PRKG1: variants seen among roughly 807,000 people sequenced by gnomAD.
The protein encoded by PRKG1 is protein kinase cGMP-dependent 1, also known as cGMP-dependent protein kinase 1.
Under a neutral mutation model 88.1 loss-of-function variants are expected in PRKG1, and 35 were observed. The ratio of observed to expected loss-of-function variants is 0.40; its 90% CI spans 0.30 to 0.53. PRKG1 has a LOEUF of 0.53. Among genes scored for constraint, PRKG1 ranks in the 20% least tolerant of loss-of-function variants. The probability of loss-of-function intolerance (pLI) is 0.59; values close to 1 mark genes in which losing one functional copy is unlikely to be tolerated. For synonymous variants in PRKG1, 303 were observed against 292.5 expected (o/e 1.04, Z -0.37); for missense variants, 540 against 839.8 (o/e 0.64, Z 4.41).
intron 3 of PRKG1, among the ~76,000 whole-genome samples, chr10:51,628,002 C>T (rs1271306242): frequency 0.17 from 10,294 of 59,164 alleles, 1,810 homozygotes; most frequent in East Asian, 0.33. Flanking sequence ...CTCTCTCTCT[C>T]TCTCTCTCTT....
chr10:51,739,427 A>G (rs1039714051), intron 3 of PRKG1, among the ~76,000 whole-genome samples: 26 of 152,292 alleles, frequency 1.7e-4, no homozygotes, highest in African/African-American at 6.3e-4. Flanking sequence ...CCTTGTGGAC[A>G]TCTTAAAACT....
chr10:51,422,561 T>A (rs943660997), intron 2 of PRKG1, among the ~76,000 whole-genome samples: 2 of 152,162 alleles, frequency 1.3e-5, no homozygotes, highest in Non-Finnish European at 2.9e-5. Flanking sequence ...CTTCACATAC[T>A]TTGTCAGCTC....
At chr10:51,526,790 A>C (rs984776995) in intron 3 of PRKG1, among the ~76,000 whole-genome samples, 7 of 152,174 alleles carry the variant, frequency 4.6e-5, no homozygotes, top group African/African-American at 1.7e-4. Context: ...GCTTTCTAAA[A>C]AATATTCTTT....
At chr10:51,742,513 G>A (rs1049491167) in intron 3 of PRKG1, among the ~76,000 whole-genome samples, 4 of 152,154 alleles carry the variant, frequency 2.6e-5, no homozygotes, top group Non-Finnish European at 5.9e-5. Context: ...TTAGTGACTA[G>A]TTGGATGCAG....
At chr10:51,970,101 A>G (rs1422717597) in intron 5 of PRKG1, among the ~76,000 whole-genome samples, 1 of 151,690 alleles carries the variant, frequency 6.6e-6, no homozygotes, top group Non-Finnish European at 1.5e-5. Flanking sequence ...ATTATGTTAT[A>G]TATATCATGG....
intron 6 of PRKG1, among the ~76,000 whole-genome samples, chr10:52,061,508 A>G (rs1846234697): frequency 2.0e-5 from 3 of 152,222 alleles, no homozygotes; most frequent in South Asian, 4.1e-4. Context: ...AATTAACACA[A>G]AGGTACAAGT....
intron 5 of PRKG1, among the ~76,000 whole-genome samples, chr10:52,036,261 C>T (rs1012460484): frequency 1.3e-5 from 2 of 151,762 alleles, no homozygotes; most frequent in Non-Finnish European, 2.9e-5. Flanking sequence ...AGATCTAGAA[C>T]AGAATAATAG....
Position 51,999,335 on chromosome 10 carries a change from C to T in PRKG1, c.763-55149C>T, listed in dbSNP as rs142858614. Among the ~76,000 whole-genome samples, 386 of 152,290 alleles carry T rather than the reference C, an allele frequency of 2.5e-3. 2 individuals carry two copies. Among genetic ancestry groups the T allele is most frequent in the African/African-American group, 8.6e-3 (359 of 41,558 alleles). Reference sequence around the variant, plus strand: ...GGAAGGGATGCCATCTGTTAAGTGACTCACTATTAGAGAACAGACCCATAT... The same window carrying T: ...GGAAGGGATGCCATCTGTTAAGTGATTCACTATTAGAGAACAGACCCATAT... On this transcript the variant is annotated intron_variant, in intron 5 of 17. Transcript: ENST00000373980.
chr10:51,213,108 A>G (rs930070155), intron 2 of PRKG1, among the ~76,000 whole-genome samples: 1 of 152,234 alleles, frequency 6.6e-6, no homozygotes, highest in Non-Finnish European at 1.5e-5. Flanking sequence ...AATGTGGCAC[A>G]TATACACCAT....
chr10:52,288,789 G>A lies in PRKG1; in HGVS notation c.1773G>A (p.Met591Ile). ...TYNIILRGID[M>I]IEFPKKIAKN... ...ACATCATATTGAGGGGGATTGACAT[G>A]ATAGAATTTCCAAAGAAGATTGCCA... is the stretch of plus-strand genomic sequence containing the variant. Residue 591 changes from methionine (M) to isoleucine (I), a missense_variant, in exon 15 of 18, where the codon ATG becomes ATA. Around this residue, in one of 5 missense-constraint regions of PRKG1, gnomAD observed 97 missense variants for 210.6 expected, o/e 0.46. Transcript: ENST00000373980. 6.2e-7 allele frequency: 1 copy of A among 1,607,798 alleles called. No individual in the cohort carries two copies. The highest frequency in any genetic ancestry group is 8.5e-7 in the Non-Finnish European group (1 of 1,177,394).
At chr10:51,210,689 C>A (rs1838191350) in intron 2 of PRKG1, among the ~76,000 whole-genome samples, 1 of 152,194 alleles carries the variant, frequency 6.6e-6, no homozygotes, top group African/African-American at 2.4e-5. Context: ...GTAAACACCT[C>A]TACGCAAATA....
intron 5 of PRKG1, among the ~76,000 whole-genome samples, chr10:51,918,043 G>A (rs1351437281): frequency 6.6e-6 from 1 of 152,180 alleles, no homozygotes; most frequent in African/African-American, 2.4e-5. Flanking sequence ...TGCAAACTCT[G>A]TGCCAGGCTA....
intron 4 of PRKG1, among the ~76,000 whole-genome samples, chr10:51,817,531 T>G (rs1385083274): frequency 6.6e-6 from 1 of 152,176 alleles, no homozygotes; most frequent in African/African-American, 2.4e-5. Context: ...CATGAACTCA[T>G]CCTTTTTTTA....
intron 2 of PRKG1, among the ~76,000 whole-genome samples, chr10:51,283,229 A>G (rs1220639211): frequency 6.6e-6 from 1 of 152,094 alleles, no homozygotes; most frequent in Non-Finnish European, 1.5e-5. Context: ...GGAAAAAAAA[A>G]CAAAAACAAA....
chr10:51,687,099 G>A (rs12261523), intron 3 of PRKG1, among the ~76,000 whole-genome samples: 12,890 of 151,980 alleles, frequency 0.085, 585 homozygotes, highest in African/African-American at 0.098. Context: ...TTAAATTGTT[G>A]TTTGCTAGAA....
At chr10:51,505,421 T>C (rs1841168297) in intron 3 of PRKG1, among the ~76,000 whole-genome samples, 1 of 152,114 alleles carries the variant, frequency 6.6e-6, no homozygotes, top group Admixed American at 6.6e-5. Context: ...AGGATATTGG[T>C]CTAAAATTCT....
intron 2 of PRKG1, among the ~76,000 whole-genome samples, chr10:51,436,523 G>A (rs1043460518): frequency 5.9e-5 from 9 of 151,918 alleles, no homozygotes; most frequent in African/African-American, 1.7e-4. Context: ...TTGAGCATAA[G>A]CAAGACATTT....
intron 3 of PRKG1, chr10:51,699,192 C>G (rs1236434569): frequency 2.5e-6 from 4 of 1,614,170 alleles, no homozygotes; most frequent in Middle Eastern, 1.6e-4. Context: ...TCTTCTGGAT[C>G]GATGGGATCC....
intron 3 of PRKG1, among the ~76,000 whole-genome samples, chr10:51,746,213 C>T (rs1290837409): frequency 2.6e-5 from 4 of 151,992 alleles, no homozygotes; most frequent in Non-Finnish European, 5.9e-5. Flanking sequence ...ACACTGTGTG[C>T]CATTATTTGG....
Sources: allele counts gnomAD v4.1 joint callset (sites outside exome capture counted in the v4.1 genomes callset), GRCh38; gene constraint gnomAD v4.1.1; regional missense constraint gnomAD v4.1.1; transcripts MANE v1.5; gene names NCBI Gene and HGNC (gene_info 2026-07-23, HGNC 2026-07-21).